The following PSMC2 variants were observed in gnomAD, a reference collection of about 807,000 sequenced individuals.
The protein encoded by PSMC2 is proteasome 26S subunit, ATPase 2.
Under a neutral mutation model 53.3 loss-of-function variants are expected in PSMC2, and 7 were observed. The ratio of observed to expected loss-of-function variants is 0.13; its 90% confidence interval spans 0.07 to 0.25. PSMC2 has a LOEUF of 0.25. PSMC2 is among the 10% of genes least tolerant of loss of function. The probability of loss-of-function intolerance (pLI) is 1.00; values close to 1 mark genes in which losing one functional copy is unlikely to be tolerated. For missense variants in PSMC2, 241 were observed against 544.0 expected (o/e 0.44, Z 5.54); for synonymous variants, 169 against 183.9 (o/e 0.92, Z 0.66).
rs35936603 is a variant in PSMC2, at chr7:103,359,138, C to CTTTTTT, written c.291-2792_291-2787dup. Among the ~76,000 whole-genome samples, 44 of 31,320 alleles carry CTTTTTT rather than the reference C, an allele frequency of 1.4e-3. 3 individuals carry two copies. The highest frequency in any genetic ancestry group is 3.0e-3 in the African/African-American group (28 of 9,436). 20.5% of individuals were successfully genotyped at this position (31,320 alleles called of 152,430 possible). ...CAGGTGCATACCACCCCATGTCTGG[C>CTTTTTT]TTTTTTTTTTTTTTTTTTTTTTTTT... On this transcript the variant is annotated intron_variant, in intron 4 of 11. Coordinates refer to ENST00000292644, the MANE Select transcript of PSMC2 (RefSeq NM_002803.4).
rs1820829926 is a variant in PSMC2 at position 103,368,311 on chromosome 7, T to C, written c.*257T>C. On this transcript the variant is annotated 3_prime_UTR_variant, in exon 12 of 12. Coordinates refer to ENST00000292644, the MANE Select transcript of PSMC2 (RefSeq NM_002803.4). The stretch of plus-strand genomic sequence containing the variant: ...AAAGCGCTTGCTTAGATGGCTTCTA[T>C]CCTAGGCATATGCTGGCCGGGTGCT... 1 of 323,064 alleles carries C rather than the reference T, an allele frequency of 3.1e-6. No individual in the cohort carries two copies. The highest frequency in any genetic ancestry group is 7.4e-5 in the South Asian group (1 of 13,582). The allele number at this position is 323,064 out of a possible 1,614,324, so 20.0% of individuals were successfully genotyped here. A position where few individuals can be genotyped will look rare whatever the true frequency, so the allele number is the denominator to read the frequency against.
rs928821237 is a variant in PSMC2 at position 103,368,064 on chromosome 7, G to C, written c.*10G>C. On this transcript the variant is annotated 3_prime_UTR_variant, in exon 12 of 12. Transcript: ENST00000292644. ...CATGACATACAACTGAACCCTGAAG[G>C]CTTTCAAGTGAAAACTTTAAATTGG... 3 of 1,587,026 alleles carry C rather than the reference G, an allele frequency of 1.9e-6. No individual in the cohort carries two copies. Among genetic ancestry groups the C allele is most frequent in the African/African-American group, 1.4e-5 (1 of 73,440 alleles).
chr7:103,348,015 G>A (rs184930464), intron 1 of PSMC2, among the ~76,000 whole-genome samples: 5 of 152,206 alleles, frequency 3.3e-5, no homozygotes, highest in Admixed American at 1.3e-4. Flanking sequence ...TCAGCTCTCG[G>A]GTCTTGAAGA....
At chr7:103,365,900 C>G (rs1820693981) in intron 8 of PSMC2, among the ~76,000 whole-genome samples, 176 bp from the exon 9 acceptor site, 1 of 152,074 alleles carries the variant, frequency 6.6e-6, no homozygotes, top group African/African-American at 2.4e-5. Flanking sequence ...TGCACTCCAG[C>G]CTGGGCGACA....
At chr7:103,354,429 C>T (rs1334204317) in intron 2 of PSMC2, among the ~76,000 whole-genome samples, 1 of 143,098 alleles carries the variant, frequency 7.0e-6, no homozygotes, top group Non-Finnish European at 1.5e-5. Context: ...AGTGCAATGG[C>T]GCGATCTTGG....
intron 8 of PSMC2, among the ~76,000 whole-genome samples, chr7:103,364,596 G>A (rs1234647183): frequency 6.6e-6 from 1 of 152,106 alleles, no homozygotes; most frequent in East Asian, 1.9e-4. Context: ...TTTTTGTAGA[G>A]AGGGGTTTTA....
upstream of PSMC2, chr7:103,347,599 G>C (rs1042171365): frequency 3.3e-6 from 4 of 1,226,424 alleles, no homozygotes; most frequent in African/African-American, 5.9e-5. Flanking sequence ...TGCATAAAGG[G>C]GTCTGTCTGA....
In PSMC2 at chr7:103,367,154, G is replaced by A. The variant is rs571316959; in HGVS notation, c.845-259G>A. On this transcript the variant is annotated intron_variant, in intron 9 of 11. Transcript: ENST00000292644. The surrounding 1 kb of genome is among the most constrained non-coding windows in gnomAD (Gnocchi z 6.1). ...TCCAAATTAAGTAATAAATGTGGTA[G>A]ACTTTGAAAACACTAAACTGCCCCA... is the stretch of plus-strand genomic sequence containing the variant. Among the ~76,000 whole-genome samples the A allele has an allele frequency of 6.6e-6, 1 of 152,258 alleles. No individual in the cohort carries two copies. Among genetic ancestry groups the A allele is most frequent in the East Asian group, 1.9e-4 (1 of 5,182 alleles).
chr7:103,347,587 A>C, upstream of PSMC2: 1 of 1,068,332 alleles, frequency 9.4e-7, no homozygotes, highest in Non-Finnish European at 1.4e-6. Context: ...ACTCTGAAGC[A>C]CTGCATAAAG....
intron 8 of PSMC2, among the ~76,000 whole-genome samples, chr7:103,364,701 C>T (rs1419992840): frequency 1.3e-5 from 2 of 152,042 alleles, no homozygotes; most frequent in Admixed American, 6.6e-5. Flanking sequence ...AACCACCACG[C>T]CCGGCCTGAG....
chr7:103,361,832 G>A, intron 4 of PSMC2, 125 bp from the exon 5 acceptor site: 1 of 887,740 alleles, frequency 1.1e-6, no homozygotes, highest in Non-Finnish European at 1.6e-6. Context: ...ATCTTTAACA[G>A]TGTCCCAGTT....
In PSMC2 at chr7:103,364,130, G is replaced by A; in HGVS notation, c.592-13G>A. The A allele has an allele frequency of 6.2e-7, 1 of 1,610,120 alleles. No individual in the cohort carries two copies. Among genetic ancestry groups the A allele is most frequent in the Non-Finnish European group, 8.5e-7 (1 of 1,178,424 alleles). On this transcript the variant is annotated splice_polypyrimidine_tract_variant and intron_variant, in intron 7 of 11. Transcript: ENST00000292644. The stretch of plus-strand genomic sequence containing the variant: ...CAGAAGTGGTAAGTGTGAAAATTGT[G>A]TCTCTATCACAGCCAGAGAGGTTTG...
intron 1 of PSMC2, chr7:103,348,608 A>C: frequency 9.1e-7 from 1 of 1,099,560 alleles, no homozygotes; most frequent in East Asian, 2.4e-5. Context: ...AAGATGGGTC[A>C]CCAGAAGCTA....
At chr7:103,360,519 C>T (rs1034477373) in intron 4 of PSMC2, among the ~76,000 whole-genome samples, 1 of 152,258 alleles carries the variant, frequency 6.6e-6, no homozygotes, top group Admixed American at 6.5e-5. Context: ...TCAGCCTCCT[C>T]AGTAGCTGGG....
At chr7:103,349,027 A>G (rs1256515228) in intron 1 of PSMC2, among the ~76,000 whole-genome samples, 2 of 152,204 alleles carry the variant, frequency 1.3e-5, no homozygotes, top group African/African-American at 2.4e-5. Context: ...AGTTTTGGAT[A>G]TAACTTCTTC....
At chr7:103,349,681 C>T (rs956976100) in intron 1 of PSMC2, among the ~76,000 whole-genome samples, 1 of 152,158 alleles carries the variant, frequency 6.6e-6, no homozygotes, top group Non-Finnish European at 1.5e-5. Flanking sequence ...AACTCCTGAC[C>T]TCAGGTGATC....
chr7:103,351,514 CA>C (rs1175719710), intron 1 of PSMC2, among the ~76,000 whole-genome samples: 1 of 152,108 alleles, frequency 6.6e-6, no homozygotes, highest in Non-Finnish European at 1.5e-5. Context: ...TAGAACATAC[CA>C]AAATTCTAGA....
chr7:103,354,983 A>T, intron 3 of PSMC2, 34 bp downstream of exon 3: 1 of 1,341,060 alleles, frequency 7.5e-7, no homozygotes, highest in Non-Finnish European at 1.1e-6. Flanking sequence ...TCCTTCCTTT[A>T]AATGTAATGT....
chr7:103,365,063 A>G (rs1820638892), intron 8 of PSMC2, among the ~76,000 whole-genome samples: 1 of 150,086 alleles, frequency 6.7e-6, no homozygotes. Context: ...AGAATTAGCT[A>G]CGGAGCTGCG....
Sources: gnomAD v4.1 joint callset for allele counts (sites outside exome capture counted in the v4.1 genomes callset) on GRCh38, gnomAD v4.1.1 for gene constraint, Gnocchi (gnomAD v3.1) non-coding constraint, MANE v1.5 for transcripts, NCBI Gene and HGNC (gene_info 2026-07-23, HGNC 2026-07-21) for gene names.